Variants in IGSF11 observed in about 807,000 individuals in gnomAD.
The protein encoded by IGSF11 is CXADR like 1.
Under a neutral mutation model 41.0 loss-of-function variants are expected in IGSF11, and 22 were observed. The observed-to-expected ratio is 0.54, with a 90% confidence interval of 0.38 to 0.77. IGSF11 has a LOEUF of 0.77. Ranked by LOEUF, IGSF11 falls within the 30% of genes least tolerant of loss-of-function variation. The pLI is 0.00. For missense variants in IGSF11, 444 were observed against 530.8 expected (o/e 0.84, Z 1.61); for synonymous variants, 219 against 201.3 (o/e 1.09, Z -0.74).
At chr3:119,071,416 G>C (rs1447068318) in intron 1 of IGSF11, among the ~76,000 whole-genome samples, 1 of 152,092 alleles carries the variant, frequency 6.6e-6, no homozygotes, top group East Asian at 1.9e-4. Context: ...AGGCCATGAA[G>C]ATTTAGACCT....
intron 1 of IGSF11, among the ~76,000 whole-genome samples, chr3:119,051,083 A>T (rs1029588035): frequency 1.3e-5 from 2 of 151,786 alleles, no homozygotes; most frequent in African/African-American, 4.8e-5. Context: ...CCAGCATGGC[A>T]CCTGTATACA....
chr3:119,075,358 T>C (rs910422343), intron 1 of IGSF11, among the ~76,000 whole-genome samples: 2 of 151,886 alleles, frequency 1.3e-5, no homozygotes, highest in African/African-American at 4.8e-5. Context: ...GCAGAAAAAA[T>C]GCTGGACCAG....
chr3:119,066,977 AT>A (rs1942251848), intron 1 of IGSF11, among the ~76,000 whole-genome samples: 1 of 152,232 alleles, frequency 6.6e-6, no homozygotes, highest in South Asian at 2.1e-4. Flanking sequence ...AAATATATTA[AT>A]CACAGTTATT....
chr3:118,950,160 C>G (rs1479921157), intron 1 of IGSF11, among the ~76,000 whole-genome samples: 1 of 152,126 alleles, frequency 6.6e-6, no homozygotes, highest in African/African-American at 2.4e-5. Context: ...ACAGCACATA[C>G]ACACTCACTC....
At chr3:119,067,877 C>T (rs780117466) in intron 1 of IGSF11, among the ~76,000 whole-genome samples, 87 of 152,172 alleles carry the variant, frequency 5.7e-4, no homozygotes, top group Non-Finnish European at 1.9e-4. Flanking sequence ...TAAACTTGCT[C>T]TTACAGGTAT....
At chr3:118,938,763 T>C (rs376499330) in intron 1 of IGSF11, among the ~76,000 whole-genome samples, 1 of 151,996 alleles carries the variant, frequency 6.6e-6, no homozygotes. Flanking sequence ...TAAGATAATA[T>C]AGTTTGGGAA....
chr3:119,016,420 TA>T (rs962304127), intron 1 of IGSF11, among the ~76,000 whole-genome samples: 3 of 152,130 alleles, frequency 2.0e-5, no homozygotes, highest in East Asian at 3.9e-4. Flanking sequence ...CTAATTCTTT[TA>T]AAAAAAATCT....
chr3:118,974,274 G>A lies in IGSF11; in HGVS notation c.53-43999C>T, dbSNP rs149518999. Among the ~76,000 whole-genome samples the A allele has an allele frequency of 2.1e-4, 32 of 152,212 alleles. No homozygotes were observed. In the East Asian group the frequency reaches 4.6e-3, roughly 22 times the overall value. On this transcript the variant is annotated intron_variant, in intron 1 of 6. Coordinates refer to ENST00000393775, the MANE Select transcript of IGSF11 (RefSeq NM_001015887.3). ...AAAAGTATTTGAATAAAAAAGAGAC[G>A]GGGATAGAGCAGTATTTCATAAAAA...
At chr3:118,935,726 G>A (rs1255092882) in intron 1 of IGSF11, among the ~76,000 whole-genome samples, 6 of 152,028 alleles carry the variant, frequency 3.9e-5, no homozygotes, top group Non-Finnish European at 7.4e-5. Flanking sequence ...AAGAGGGCTC[G>A]CTGATGGGAC....
chr3:119,077,681 C>T (rs1421868054), intron 1 of IGSF11, among the ~76,000 whole-genome samples: 1 of 152,022 alleles, frequency 6.6e-6, no homozygotes, highest in Non-Finnish European at 1.5e-5. Flanking sequence ...CTAGCCAGAG[C>T]AATCAAGCAA....
chr3:119,092,136 T>A (rs1437736162), intron 1 of IGSF11, among the ~76,000 whole-genome samples: 1 of 151,880 alleles, frequency 6.6e-6, no homozygotes, highest in Non-Finnish European at 1.5e-5. Flanking sequence ...CTCAGACTCC[T>A]AAGTATGTGG....
chr3:119,077,219 G>A (rs1402758578), intron 1 of IGSF11, among the ~76,000 whole-genome samples: 1 of 151,820 alleles, frequency 6.6e-6, no homozygotes, highest in Non-Finnish European at 1.5e-5. Context: ...ATTGAACAAC[G>A]AGAACACTTG....
upstream of IGSF11, among the ~76,000 whole-genome samples, chr3:119,109,921 G>C (rs1380386303): frequency 6.6e-6 from 1 of 152,128 alleles, no homozygotes; most frequent in Non-Finnish European, 1.5e-5. Context: ...TCTTAATCCT[G>C]AGTTCTAGTT....
chr3:119,045,857 C>G lies in IGSF11; in HGVS notation c.49+59287G>C, dbSNP rs905889033. Among the ~76,000 whole-genome samples, 6 of 152,116 alleles carry G rather than the reference C, an allele frequency of 3.9e-5. 1 individual carries two copies. The highest frequency in any genetic ancestry group is 3.9e-4 in the East Asian group (2 of 5,142). ...GACCCCTGACCCCCGAGCAGCCTAA[C>G]TGGGAGGCACCCCCCAGCAGGGGCA... is the stretch of plus-strand genomic sequence containing the variant. On this transcript the variant is annotated intron_variant, in intron 1 of 6. Transcript: ENST00000354673.
chr3:119,103,945 C>T (rs1201827569), intron 1 of IGSF11, among the ~76,000 whole-genome samples: 1 of 152,022 alleles, frequency 6.6e-6, no homozygotes, highest in Non-Finnish European at 1.5e-5. Flanking sequence ...GGTAATGCCC[C>T]CTCATATATT....
upstream of IGSF11, among the ~76,000 whole-genome samples, chr3:119,106,541 C>A (rs1559870668): frequency 2.6e-5 from 4 of 152,078 alleles, no homozygotes; most frequent in African/African-American, 9.7e-5. Context: ...GGACTTCATT[C>A]TTTTTTATGG....
At chr3:118,973,943 G>A (rs879028134) in intron 1 of IGSF11, among the ~76,000 whole-genome samples, 1 of 152,118 alleles carries the variant, frequency 6.6e-6, no homozygotes, top group Non-Finnish European at 1.5e-5. Flanking sequence ...ACACACTGGG[G>A]CTTGTCAGAG....
At chr3:118,916,756 C>T (rs1462200126) in intron 4 of IGSF11, among the ~76,000 whole-genome samples, 1 of 151,960 alleles carries the variant, frequency 6.6e-6, no homozygotes, top group Non-Finnish European at 1.5e-5. Flanking sequence ...ACCAAGTGGA[C>T]CGAATAGACA....
chr3:119,124,069 G>T (rs2077367877), intron 1 of IGSF11, among the ~76,000 whole-genome samples: 1 of 152,020 alleles, frequency 6.6e-6, no homozygotes, highest in Admixed American at 6.6e-5. Context: ...TTCAGACAGA[G>T]AATTCAAAAT....
Sources: gnomAD v4.1 joint callset for allele counts (sites outside exome capture counted in the v4.1 genomes callset) on GRCh38, gnomAD v4.1.1 for gene constraint, MANE v1.5 for transcripts, NCBI Gene and HGNC (gene_info 2026-07-23, HGNC 2026-07-21) for gene names.